The following EFCAB14 variants were observed in gnomAD, a reference collection of about 807,000 sequenced individuals.
The protein encoded by EFCAB14 is EF-hand calcium binding domain 14, also known as EF-hand calcium-binding domain-containing protein 14.
EFCAB14 carries 43 observed loss-of-function variants against 56.5 expected under a neutral mutation model. The ratio of observed to expected loss-of-function variants is 0.76; its 90% CI spans 0.60 to 0.98. EFCAB14 has a LOEUF of 0.98. Among genes scored for constraint, EFCAB14 ranks in the 50% least tolerant of loss-of-function variants. The probability of loss-of-function intolerance (pLI) is 0.00; values close to 1 mark genes in which losing one functional copy is unlikely to be tolerated. For missense variants in EFCAB14, 538 were observed against 580.3 expected, an observed-to-expected ratio of 0.93 and a Z score of 0.75; for synonymous variants, 235 against 212.9, an observed-to-expected ratio of 1.10 and a Z score of -0.90.
intron 3 of EFCAB14, among the ~76,000 whole-genome samples, chr1:46,706,198 T>TA (rs1677232053): frequency 6.6e-6 from 1 of 152,174 alleles, no homozygotes; most frequent in African/African-American, 2.4e-5. Context: ...TAGCCTATGA[T>TA]AAAACTGGTT....
At chr1:46,716,589 A>C in intron 1 of EFCAB14, 146 bp from the exon 2 acceptor site, 1 of 867,372 alleles carries the variant, frequency 1.2e-6, no homozygotes, top group South Asian at 1.9e-5. Context: ...AAAGCACTTA[A>C]ATGAATAAAT....
chr1:46,706,149 G>A (rs1677231388), intron 3 of EFCAB14, among the ~76,000 whole-genome samples: 1 of 152,156 alleles, frequency 6.6e-6, no homozygotes, highest in Admixed American at 6.5e-5. Flanking sequence ...TTACAGGTGT[G>A]AGCCACCACA....
chr1:46,695,152 A>G (rs1173581869), intron 4 of EFCAB14, among the ~76,000 whole-genome samples: 1 of 152,130 alleles, frequency 6.6e-6, no homozygotes, highest in African/African-American at 2.4e-5. Flanking sequence ...GCACACCAAC[A>G]TGGCACATAT....
intron 3 of EFCAB14, among the ~76,000 whole-genome samples, chr1:46,700,349 A>G (rs1346642747): frequency 1.3e-5 from 2 of 152,220 alleles, no homozygotes; most frequent in Admixed American, 6.5e-5. Context: ...ATTCTACATA[A>G]GGACTCCAGA....
intron 4 of EFCAB14, 99 bp from the exon 5 acceptor site, chr1:46,692,036 A>C: frequency 1.2e-6 from 1 of 831,214 alleles, no homozygotes; most frequent in South Asian, 1.9e-5. Flanking sequence ...GAATGTTTTG[A>C]CACATAAACA....
chr1:46,700,642 A>G (rs1442373335), intron 3 of EFCAB14, among the ~76,000 whole-genome samples: 1 of 152,228 alleles, frequency 6.6e-6, no homozygotes. Context: ...TGAAATGTTT[A>G]TATTCTTTAT....
At chr1:46,699,906 G>C (rs1677130840) in intron 3 of EFCAB14, among the ~76,000 whole-genome samples, 1 of 152,150 alleles carries the variant, frequency 6.6e-6, no homozygotes, top group Admixed American at 6.5e-5. Context: ...CCTTGGATTA[G>C]TCACTCTGGG....
chr1:46,707,440 G>A (rs1468654549), intron 3 of EFCAB14, among the ~76,000 whole-genome samples: 2 of 152,192 alleles, frequency 1.3e-5, no homozygotes, highest in Non-Finnish European at 2.9e-5. Context: ...TTATTTGACT[G>A]ACCAAGGTAT....
At chr1:46,703,984 T>G (rs1200576320) in intron 3 of EFCAB14, among the ~76,000 whole-genome samples, 7 of 152,200 alleles carry the variant, frequency 4.6e-5, no homozygotes, top group African/African-American at 1.7e-4. Flanking sequence ...GCTGGCCAAC[T>G]CCTATTTGCC....
intron 2 of EFCAB14, among the ~76,000 whole-genome samples, chr1:46,715,724 G>A (rs776613943): frequency 2.0e-5 from 3 of 151,942 alleles, no homozygotes; most frequent in Non-Finnish European, 4.4e-5. Context: ...AGCATTGACT[G>A]CAATGCCATT....
chr1:46,714,661 T>A (rs1294576227), intron 2 of EFCAB14, among the ~76,000 whole-genome samples: 1 of 151,766 alleles, frequency 6.6e-6, no homozygotes, highest in Non-Finnish European at 1.5e-5. Flanking sequence ...GGGTGGCGCG[T>A]GCCTGTAGTT....
Position 46,716,427 on chromosome 1 carries a change from A to C in EFCAB14, c.202T>G (p.Cys68Gly). Residue 68 changes from cysteine to glycine, a missense_variant, in exon 2 of 11, where the codon TGC (cysteine) becomes GGC (glycine). Coordinates refer to ENST00000371933, the MANE Select transcript of EFCAB14 (RefSeq NM_014774.3). ...SRFAKGDYLRCCKICYPLCGF... is the reference protein window; with the variant it reads ...SRFAKGDYLRGCKICYPLCGF... ...CAGAGCGGATAACAGATCTTGCAGC[A>C]TCGTAAATAGTCTCCCCTGCTCAAG... 6.2e-7 allele frequency: 1 copy of C among 1,614,164 alleles called. No homozygotes were observed. Among genetic ancestry groups the C allele is most frequent in the Non-Finnish European group, 8.5e-7 (1 of 1,180,030 alleles).
intron 5 of EFCAB14, among the ~76,000 whole-genome samples, chr1:46,690,548 C>T (rs2148842355): frequency 6.6e-6 from 1 of 152,168 alleles, no homozygotes; most frequent in East Asian, 1.9e-4. Context: ...GGGGGGAATC[C>T]ATGGTTCTAG....
At chr1:46,694,907 G>T (rs1317806153) in intron 4 of EFCAB14, among the ~76,000 whole-genome samples, 1 of 152,154 alleles carries the variant, frequency 6.6e-6, no homozygotes, top group African/African-American at 2.4e-5. Context: ...CATAAAAAAT[G>T]ATGAGTTCAT....
At chr1:46,709,207 A>G (rs1404117034) in intron 2 of EFCAB14, among the ~76,000 whole-genome samples, 1 of 152,232 alleles carries the variant, frequency 6.6e-6, no homozygotes, top group Non-Finnish European at 1.5e-5. Context: ...TATCACCTGA[A>G]TAAATATTTC....
Position 46,675,281 on chromosome 1 carries a change from T to C in EFCAB14, c.*3180A>G, listed in dbSNP as rs895560897. 1 of 152,568 alleles carries C rather than the reference T, an allele frequency of 6.6e-6. No homozygotes were observed. Among genetic ancestry groups the C allele is most frequent in the African/African-American group, 2.4e-5 (1 of 41,422 alleles). 9.5% of individuals were successfully genotyped at this position (152,568 alleles called of 1,614,324 possible). On this transcript the variant is annotated 3_prime_UTR_variant, in exon 11 of 11. Transcript: ENST00000371933. ...AATTCTCCCTAAACAGAACCAAAAT[T>C]GCTTATACATTACCAAAATAGCTTC...
intron 7 of EFCAB14, 100 bp from the exon 8 acceptor site, chr1:46,686,970 TTAA>T: frequency 9.2e-7 from 1 of 1,087,754 alleles, no homozygotes; most frequent in South Asian, 1.4e-5. Context: ...TCAAACTTAT[TTAA>T]AGGATCTCAG....
chr1:46,686,556 G>C, intron 8 of EFCAB14: 1 of 535,570 alleles, frequency 1.9e-6, no homozygotes. Flanking sequence ...TCACATGTCT[G>C]CCTTGCTCAC....
chr1:46,698,242 C>T (rs891465065), intron 3 of EFCAB14, among the ~76,000 whole-genome samples: 6 of 152,064 alleles, frequency 3.9e-5, no homozygotes, highest in African/African-American at 9.7e-5. Flanking sequence ...CCTGGGAACT[C>T]GGGAACTCAA....
Sources: gnomAD v4.1 joint callset for allele counts (sites outside exome capture counted in the v4.1 genomes callset) on GRCh38, gnomAD v4.1.1 for gene constraint, MANE v1.5 for transcripts, NCBI Gene and HGNC (gene_info 2026-07-23, HGNC 2026-07-21) for gene names.